Variants in AFG3L2 observed in about 807,000 individuals in gnomAD.
The protein encoded by AFG3L2 is mitochondrial inner membrane m-AAA protease component AFG3L2.
Under a neutral mutation model 94.5 loss-of-function variants are expected in AFG3L2, and 54 were observed. The observed-to-expected ratio is 0.57, with a 90% CI of 0.46 to 0.72. The LOEUF is 0.72. Among genes scored for constraint, AFG3L2 ranks in the 30% least tolerant of loss-of-function variants. The pLI is 0.00. For synonymous variants in AFG3L2, 377 were observed against 365.5 expected, an observed-to-expected ratio of 1.03 and a Z score of -0.36; for missense variants, 754 against 994.9, an observed-to-expected ratio of 0.76 and a Z score of 3.26.
At chr18:12,369,342 T>C (rs9303770) in intron 3 of AFG3L2, among the ~76,000 whole-genome samples, 48,562 of 151,998 alleles carry the variant, frequency 0.32, 9,637 homozygotes, top group African/African-American at 0.55. Flanking sequence ...CCCACACCAG[T>C]GCTTCTCCCT....
intron 1 of AFG3L2, among the ~76,000 whole-genome samples, chr18:12,374,993 T>C (rs1393946524): frequency 1.3e-5 from 2 of 149,716 alleles, no homozygotes; most frequent in Non-Finnish European, 3.0e-5. Flanking sequence ...GAGGCGAAGG[T>C]TGCAGTGACC....
rs755505003 is a variant in AFG3L2 at position 12,370,935 on chromosome 18, A to C, written c.215-9T>G. 1.4e-6 allele frequency: 2 copies of C among 1,474,356 alleles called. No individual in the cohort carries two copies. The highest frequency in any genetic ancestry group is 1.2e-5 in the South Asian group (1 of 84,352). 91.3% of individuals were successfully genotyped at this position (1,474,356 alleles called of 1,614,324 possible). A position where few individuals can be genotyped will look rare whatever the true frequency, so the allele number is the denominator to read the frequency against. ...AAAGTATTTTTCAAATCCTGTTAGA[A>C]AAAGAAAAAAAATACTTATCTTCAA... On this transcript the variant is annotated splice_polypyrimidine_tract_variant and intron_variant, in intron 2 of 16. Transcript: ENST00000269143.
chr18:12,376,792 G>A (rs1468905319), intron 1 of AFG3L2, among the ~76,000 whole-genome samples, 177 bp downstream of exon 1: 1 of 152,248 alleles, frequency 6.6e-6, no homozygotes, highest in Non-Finnish European at 1.5e-5. Flanking sequence ...GCAGGGCTGA[G>A]CGCGAATCGG....
rs1568144326 is a variant in AFG3L2, at chr18:12,363,790, C to T, written c.619G>A (p.Val207Ile). Residue 207 changes from valine to isoleucine, a missense_variant, in exon 6 of 17, where the codon GTT (valine) becomes ATT (isoleucine). Transcript: ENST00000269143. ...RVTFTPGKTPVDGQYVWFNIG... is the reference protein window; with the variant it reads ...RVTFTPGKTPIDGQYVWFNIG... ...TTAATAAAATGATTTACCCCATCAACAGGAGTTTTTCCTGGTGTAAAGGTC... is the reference window on the plus strand; with the variant it reads ...TTAATAAAATGATTTACCCCATCAATAGGAGTTTTTCCTGGTGTAAAGGTC... 4 of 1,611,670 alleles carry T rather than the reference C, an allele frequency of 2.5e-6. No individual in the cohort carries two copies. The highest frequency in any genetic ancestry group is 1.1e-5 in the South Asian group (1 of 91,012).
In AFG3L2 at chr18:12,340,259, C is replaced by G; in HGVS notation, c.1922G>C (p.Arg641Thr). 3.7e-6 allele frequency: 6 copies of G among 1,614,154 alleles called. No individual in the cohort carries two copies. The highest frequency in any genetic ancestry group is 5.1e-6 in the Non-Finnish European group (6 of 1,180,034). ...GTCATCTTGAGCACCAGTTGTAATTCTTCCAAAGAAGATTTCTTCAGAGAC... is the reference window on the plus strand; with the variant it reads ...GTCATCTTGAGCACCAGTTGTAATTGTTCCAAAGAAGATTTCTTCAGAGAC... Reference protein sequence around the residue: ...GRVSEEIFFGRITTGAQDDLR... With the variant: ...GRVSEEIFFGTITTGAQDDLR... Residue 641 changes from arginine to threonine, a missense_variant, in exon 15 of 17, where the codon AGA becomes ACA. Physicochemically the swap from Arg to Thr is moderately conservative, Grantham distance 71. Around this residue, in one of 4 missense-constraint regions of AFG3L2, gnomAD observed 279 missense variants for 378.6 expected, o/e 0.74. Transcript: ENST00000269143.
chr18:12,334,854 G>A (rs1907691871), intron 16 of AFG3L2, among the ~76,000 whole-genome samples: 1 of 152,186 alleles, frequency 6.6e-6, no homozygotes. Context: ...TACAAAATAA[G>A]GAGGCTGGGT....
chr18:12,369,318 G>A (rs1020752169), intron 3 of AFG3L2, among the ~76,000 whole-genome samples: 4 of 152,010 alleles, frequency 2.6e-5, no homozygotes, highest in Admixed American at 6.6e-5. Context: ...CTAGAGCCCC[G>A]GGGCTGTCAC....
intron 9 of AFG3L2, among the ~76,000 whole-genome samples, chr18:12,354,846 CATT>C (rs1353251686): frequency 6.0e-5 from 9 of 151,132 alleles, no homozygotes; most frequent in African/African-American, 1.9e-4. Flanking sequence ...GGCCCATCAT[CATT>C]AACACCCAAC....
chr18:12,346,258 AT>A (rs980450275), intron 13 of AFG3L2, among the ~76,000 whole-genome samples: 6 of 151,996 alleles, frequency 3.9e-5, no homozygotes, highest in Non-Finnish European at 8.8e-5. Flanking sequence ...ACTGGGTAAC[AT>A]TTCCTCTGCA....
intron 9 of AFG3L2, among the ~76,000 whole-genome samples, chr18:12,354,470 T>C (rs111318740): frequency 4.6e-5 from 7 of 152,292 alleles, no homozygotes; most frequent in African/African-American, 1.7e-4. Flanking sequence ...TCAGGCCTTG[T>C]GGCAGGCACT....
intron 10 of AFG3L2, 135 bp downstream of exon 10, chr18:12,352,870 G>A (rs907707948): frequency 1.7e-5 from 21 of 1,227,342 alleles, no homozygotes; most frequent in Non-Finnish European, 2.3e-5. Flanking sequence ...CAGGAGGATC[G>A]CTTGAACCCA....
Position 12,360,121 on chromosome 18 carries a change from C to A in AFG3L2, c.628-70G>T, listed in dbSNP as rs978140325. 2.7e-6 allele frequency: 4 copies of A among 1,466,778 alleles called. No individual in the cohort carries two copies. In the African/African-American group the frequency reaches 5.6e-5, roughly 21 times the overall value. 90.9% of individuals were successfully genotyped at this position (1,466,778 alleles called of 1,614,324 possible). On this transcript the variant is annotated intron_variant, in intron 6 of 16. Coordinates refer to ENST00000269143, the MANE Select transcript of AFG3L2 (RefSeq NM_006796.3). Reference sequence around the variant, plus strand: ...AAAAGGTTCAATTCACTAAACGGTTCAACTTTTTAAGAATTTTCCAGAAAT... The same window carrying A: ...AAAAGGTTCAATTCACTAAACGGTTAAACTTTTTAAGAATTTTCCAGAAAT...
intron 1 of AFG3L2, among the ~76,000 whole-genome samples, chr18:12,373,569 T>A (rs1416281054): frequency 6.6e-6 from 1 of 152,170 alleles, no homozygotes; most frequent in Non-Finnish European, 1.5e-5. Flanking sequence ...TCCTTTCTGT[T>A]CCGCTATAAC....
chr18:12,345,174 A>G (rs946505145), intron 13 of AFG3L2, among the ~76,000 whole-genome samples: 3 of 152,190 alleles, frequency 2.0e-5, no homozygotes, highest in African/African-American at 7.2e-5. Context: ...AAGCCACAGA[A>G]GTGGCAGAGC....
chr18:12,344,003 G>A, intron 14 of AFG3L2, 129 bp downstream of exon 14: 1 of 796,462 alleles, frequency 1.3e-6, no homozygotes, highest in Non-Finnish European at 2.1e-6. Context: ...GTTACCAGAA[G>A]TTACCAGAAG....
intron 1 of AFG3L2, 64 bp downstream of exon 1, chr18:12,376,905 T>C: frequency 8.0e-7 from 1 of 1,248,426 alleles, no homozygotes; most frequent in Non-Finnish European, 1.0e-6. Flanking sequence ...TGACGTCCGC[T>C]CTCCCGAGCC....
chr18:12,333,316 A>G (rs1218497465), intron 16 of AFG3L2, among the ~76,000 whole-genome samples: 5 of 131,596 alleles, frequency 3.8e-5, no homozygotes, highest in Non-Finnish European at 7.8e-5. Context: ...TATATTATAA[A>G]TATATAATAT....
At chr18:12,348,432 G>C in intron 12 of AFG3L2, 49 bp from the exon 13 acceptor site, 1 of 1,431,680 alleles carries the variant, frequency 7.0e-7, no homozygotes, top group Admixed American at 1.7e-5. Context: ...CGCCCAAACT[G>C]ATCAGTCACA....
intron 3 of AFG3L2, 29 bp downstream of exon 3, chr18:12,370,820 A>AATTCTATATTTGAATTTTAT (rs749264053): frequency 5.2e-5 from 76 of 1,454,970 alleles, no homozygotes; most frequent in Non-Finnish European, 8.6e-6. Context: ...GAAAACACAA[A>AATTCTATATTTGAATTTTAT]ATTCAAATAT....
Sources: gnomAD v4.1 joint callset for allele counts (sites outside exome capture counted in the v4.1 genomes callset) on GRCh38, gnomAD v4.1.1 for gene constraint, gnomAD v4.1.1 regional missense constraint, MANE v1.5 for transcripts, NCBI Gene and HGNC (gene_info 2026-07-23, HGNC 2026-07-21) for gene names.